The following SLC24A2 variants were observed in gnomAD, a reference collection of about 807,000 sequenced individuals.
SLC24A2 encodes the protein sodium/potassium/calcium exchanger 2.
Under a neutral mutation model 62.0 loss-of-function variants are expected in SLC24A2, and 36 were observed. That is an observed-to-expected ratio of 0.58 (90% CI 0.44 to 0.77). The LOEUF (loss-of-function observed/expected upper bound fraction) is 0.77. SLC24A2 is among the 30% of genes least tolerant of loss of function. The pLI, the probability that SLC24A2 is intolerant of heterozygous loss-of-function variation, is 0.00. For missense variants in SLC24A2, 846 were observed against 817.9 expected, an observed-to-expected ratio of 1.03 and a Z score of -0.42; for synonymous variants, 358 against 294.0, an observed-to-expected ratio of 1.22 and a Z score of -2.23.
At chr9:20,013,857 G>A in the SLC24A2 span, among the ~76,000 whole-genome samples, 147 of 152,230 alleles carry the variant, frequency 9.7e-4, no homozygotes, top group Admixed American at 1.8e-3. Context: ...TAAGGGAATT[G>A]CAAATTAAAA....
chr9:20,178,077 G>C, the SLC24A2 span, among the ~76,000 whole-genome samples: 1 of 152,128 alleles, frequency 6.6e-6, no homozygotes, highest in African/African-American at 2.4e-5. Flanking sequence ...AGTCTGGATT[G>C]ATAAGGTTCA....
chr9:19,560,993 T>C (rs938195316), intron 7 of SLC24A2, among the ~76,000 whole-genome samples: 1 of 151,798 alleles, frequency 6.6e-6, no homozygotes, highest in African/African-American at 2.4e-5. Context: ...TGGCATGATC[T>C]TGGCTCACTG....
At chr9:20,228,341 A>C in the SLC24A2 span, among the ~76,000 whole-genome samples, 1 of 151,962 alleles carries the variant, frequency 6.6e-6, no homozygotes, top group Admixed American at 6.6e-5. Flanking sequence ...CTCTCACTCA[A>C]AAGTACAGAG....
At chr9:19,776,357 A>G (rs1356966333) in intron 2 of SLC24A2, among the ~76,000 whole-genome samples, 2 of 152,234 alleles carry the variant, frequency 1.3e-5, no homozygotes, top group African/African-American at 4.8e-5. Context: ...ATGTTTCCCA[A>G]TCCTCAGATT....
At chr9:19,849,768 T>C in the SLC24A2 span, among the ~76,000 whole-genome samples, 19 of 152,162 alleles carry the variant, frequency 1.2e-4, no homozygotes, top group Non-Finnish European at 2.2e-4. Context: ...TGAGAAGACA[T>C]AAATATAGCT....
chr9:20,302,070 A>C, the SLC24A2 span, among the ~76,000 whole-genome samples: 2 of 152,136 alleles, frequency 1.3e-5, no homozygotes, highest in Non-Finnish European at 2.9e-5. Context: ...TTGACAGCTC[A>C]TTTACTTTTA....
the SLC24A2 span, among the ~76,000 whole-genome samples, chr9:20,232,369 GT>G: frequency 1.3e-5 from 2 of 151,968 alleles, no homozygotes; most frequent in East Asian, 3.9e-4. Flanking sequence ...TGGTCCTGGA[GT>G]TTTTTTGGTT....
the SLC24A2 span, among the ~76,000 whole-genome samples, chr9:19,907,623 G>A: frequency 7.0e-4 from 107 of 152,294 alleles, no homozygotes; most frequent in Middle Eastern, 3.4e-3. Context: ...GGCAACTTCA[G>A]CAAAGTCTCA....
the SLC24A2 span, among the ~76,000 whole-genome samples, chr9:20,295,093 G>A: frequency 6.6e-6 from 1 of 151,386 alleles, no homozygotes; most frequent in Non-Finnish European, 1.5e-5. Flanking sequence ...TACACAGTGT[G>A]TATTGCAACC....
At chr9:20,175,745 G>T in the SLC24A2 span, among the ~76,000 whole-genome samples, 1 of 151,930 alleles carries the variant, frequency 6.6e-6, no homozygotes, top group East Asian at 1.9e-4. Flanking sequence ...TTTACAGTGT[G>T]TTATTACTCT....
the SLC24A2 span, among the ~76,000 whole-genome samples, chr9:20,198,133 G>T: frequency 6.6e-6 from 1 of 152,210 alleles, no homozygotes; most frequent in Non-Finnish European, 1.5e-5. Context: ...GGGATTGAGG[G>T]GGTGAGAGAG....
the SLC24A2 span, among the ~76,000 whole-genome samples, chr9:20,056,785 G>A: frequency 6.6e-6 from 1 of 152,118 alleles, no homozygotes; most frequent in African/African-American, 2.4e-5. Context: ...TGGCCACAGG[G>A]CTGCAATCCA....
chr9:20,221,657 C>T, the SLC24A2 span, among the ~76,000 whole-genome samples: 3 of 152,000 alleles, frequency 2.0e-5, no homozygotes, highest in African/African-American at 7.2e-5. Flanking sequence ...AATAAATCCA[C>T]AACTAGATAC....
chr9:19,831,120 T>G, the SLC24A2 span, among the ~76,000 whole-genome samples: 194 of 152,324 alleles, frequency 1.3e-3, 2 homozygotes, highest in African/African-American at 4.5e-3. Context: ...TCTGCCCTCA[T>G]GACTTAATCA....
At chr9:20,164,301 C>A in the SLC24A2 span, among the ~76,000 whole-genome samples, 1 of 151,998 alleles carries the variant, frequency 6.6e-6, no homozygotes, top group Non-Finnish European at 1.5e-5. Context: ...AAACAAACAA[C>A]CCCATCAAAA....
chr9:19,672,291 A>G (rs1311215027), intron 2 of SLC24A2, among the ~76,000 whole-genome samples: 1 of 146,430 alleles, frequency 6.8e-6, no homozygotes, highest in Non-Finnish European at 1.5e-5. Context: ...ATTTCCAGGA[A>G]TTTATCCATC....
At chr9:19,853,567 A>G in the SLC24A2 span, among the ~76,000 whole-genome samples, 1 of 152,334 alleles carries the variant, frequency 6.6e-6, no homozygotes, top group Admixed American at 6.5e-5. Context: ...TGAGATAATC[A>G]TGTGGATATT....
chr9:19,738,184 T>A (rs2118751659), intron 2 of SLC24A2, among the ~76,000 whole-genome samples: 1 of 152,320 alleles, frequency 6.6e-6, no homozygotes, highest in South Asian at 2.1e-4. Flanking sequence ...AATTTGTCTT[T>A]TACCTTAGTG....
the SLC24A2 span, among the ~76,000 whole-genome samples, chr9:19,817,657 G>C: frequency 6.6e-6 from 1 of 151,918 alleles, no homozygotes; most frequent in African/African-American, 2.4e-5. Context: ...ATAAAATATA[G>C]AGTTTGATTA....
Sources: gnomAD v4.1 joint callset for allele counts (sites outside exome capture counted in the v4.1 genomes callset) on GRCh38, gnomAD v4.1.1 for gene constraint, MANE v1.5 for transcripts, NCBI Gene and HGNC (gene_info 2026-07-23, HGNC 2026-07-21) for gene names.